SUMF1: variants seen among roughly 807,000 people sequenced by gnomAD.
The protein encoded by SUMF1 is formylglycine-generating enzyme.
SUMF1 carries 48 observed loss-of-function variants against 47.6 expected under a neutral mutation model. That is an observed-to-expected ratio of 1.01 (90% CI 0.80 to 1.28). The LOEUF (loss-of-function observed/expected upper bound fraction) is 1.28, where lower values mean the gene tolerates loss of function less well. Among genes scored for constraint, SUMF1 ranks in the 50% most tolerant of loss-of-function variants. The pLI is 0.00. For missense variants in SUMF1, 571 were observed against 485.4 expected (o/e 1.18, Z -1.66); for synonymous variants, 230 against 192.1 (o/e 1.20, Z -1.63).
chr3:4,129,484 A>C (rs1190709963), intron 8 of SUMF1, among the ~76,000 whole-genome samples: 1 of 152,128 alleles, frequency 6.6e-6, no homozygotes, highest in African/African-American at 2.4e-5. Flanking sequence ...TTTGAATTAT[A>C]AAAGCAGTGA....
At chr3:4,360,648 C>G (rs1266044775), downstream of SUMF1, among the ~76,000 whole-genome samples, 2 of 151,950 alleles carry the variant, frequency 1.3e-5, no homozygotes, top group African/African-American at 4.8e-5. Context: ...GACTGCTTTT[C>G]AAGGGAATTG....
intron 7 of SUMF1, among the ~76,000 whole-genome samples, chr3:4,400,335 C>T (rs1701170165): frequency 1.3e-5 from 2 of 152,214 alleles, no homozygotes; most frequent in South Asian, 2.1e-4. Flanking sequence ...CCAAAAAACC[C>T]GGGCTTTGGT....
chr3:4,396,824 T>C (rs3864052), intron 7 of SUMF1, among the ~76,000 whole-genome samples: 1 of 152,156 alleles, frequency 6.6e-6, no homozygotes, highest in Non-Finnish European at 1.5e-5. Flanking sequence ...AGGAGAATGA[T>C]TAATTCTCTG....
intron 8 of SUMF1, among the ~76,000 whole-genome samples, chr3:4,177,019 G>C (rs1353582228): frequency 6.6e-6 from 1 of 152,070 alleles, no homozygotes; most frequent in Admixed American, 6.5e-5. Context: ...CCCAATACAG[G>C]AGCATCCATA....
At chr3:4,096,136 T>C (rs1243636082) in intron 8 of SUMF1, among the ~76,000 whole-genome samples, 1 of 152,180 alleles carries the variant, frequency 6.6e-6, no homozygotes. Flanking sequence ...TTCATTTACA[T>C]GGCCACATTT....
intron 3 of SUMF1, among the ~76,000 whole-genome samples, chr3:4,431,477 C>T (rs1246058658): frequency 6.6e-6 from 1 of 152,186 alleles, no homozygotes; most frequent in Admixed American, 6.5e-5. Flanking sequence ...GAGAAACCAC[C>T]CAACTGTGGG....
chr3:4,206,120 A>G (rs1695647809), intron 8 of SUMF1, among the ~76,000 whole-genome samples: 1 of 151,592 alleles, frequency 6.6e-6, no homozygotes, highest in Non-Finnish European at 1.5e-5. Context: ...TAATATGGCT[A>G]AGCCAGTATC....
intron 8 of SUMF1, among the ~76,000 whole-genome samples, chr3:4,167,396 T>C (rs946589591): frequency 2.6e-5 from 4 of 152,128 alleles, no homozygotes; most frequent in Non-Finnish European, 5.9e-5. Flanking sequence ...TCCTGCTGAA[T>C]GGTCCATTTT....
chr3:4,317,117 G>A lies in SUMF1; in HGVS notation c.1014+59213C>T, dbSNP rs756709653. On this transcript the variant is annotated intron_variant and NMD_transcript_variant, in intron 8 of 12. Transcript: ENST00000448413. ...TGCAGGGAAAACGCTTCCACAACCA[G>A]CAGGATGCAGAAAATGCTTTCCAAG... 5.8e-6 allele frequency: 9 copies of A among 1,544,864 alleles called. No individual in the cohort carries two copies. The Middle Eastern group carries it at 1.6e-3, about 270-fold the overall frequency.
At chr3:4,398,254 T>TA (rs1429332748) in intron 7 of SUMF1, among the ~76,000 whole-genome samples, 1 of 152,176 alleles carries the variant, frequency 6.6e-6, no homozygotes, top group East Asian at 1.9e-4. Context: ...TTGTGTCTGT[T>TA]AGATTCCCAG....
chr3:4,417,674 C>T (rs555333396), intron 5 of SUMF1, among the ~76,000 whole-genome samples: 4 of 152,120 alleles, frequency 2.6e-5, no homozygotes, highest in Non-Finnish European at 5.9e-5. Flanking sequence ...AGAGACATAC[C>T]GCTGCTTCAG....
intron 1 of SUMF1, among the ~76,000 whole-genome samples, chr3:4,456,650 A>G (rs62231418): frequency 0.061 from 7,253 of 118,728 alleles, 322 homozygotes; most frequent in East Asian, 0.13. Flanking sequence ...ATATATATAT[A>G]TGTGTGTGTA....
At chr3:4,241,886 G>T (rs1696544892) in intron 8 of SUMF1, among the ~76,000 whole-genome samples, 1 of 152,164 alleles carries the variant, frequency 6.6e-6, no homozygotes, top group Non-Finnish European at 1.5e-5. Context: ...CTAGAGATTG[G>T]TTGGACCAGT....
chr3:4,245,505 G>A (rs550538296), intron 8 of SUMF1, among the ~76,000 whole-genome samples: 1 of 152,252 alleles, frequency 6.6e-6, no homozygotes, highest in African/African-American at 2.4e-5. Context: ...CTCAGCTGCA[G>A]GTCTGTTGGA....
intron 7 of SUMF1, among the ~76,000 whole-genome samples, chr3:4,382,692 T>C (rs1025718210): frequency 5.9e-5 from 9 of 152,140 alleles, no homozygotes; most frequent in African/African-American, 2.2e-4. Context: ...AATGATGGAC[T>C]GGATAAAGAA....
intron 9 of SUMF1, among the ~76,000 whole-genome samples, chr3:4,062,381 G>GGGTC (rs1391511643): frequency 6.6e-6 from 1 of 152,244 alleles, no homozygotes; most frequent in Admixed American, 6.5e-5. Flanking sequence ...GCTACTGTGA[G>GGGTC]GGTCACACCA....
intron 8 of SUMF1, among the ~76,000 whole-genome samples, chr3:4,154,830 A>G (rs1694416672): frequency 6.6e-6 from 1 of 151,518 alleles, no homozygotes; most frequent in Non-Finnish European, 1.5e-5. Flanking sequence ...CAACCACCGC[A>G]TCCCACTTCC....
At position 4,312,824 on chromosome 3, in the gene SUMF1, G is replaced by A. The variant is rs146351491; in HGVS notation, c.1014+63506C>T. On this transcript the variant is annotated intron_variant and NMD_transcript_variant, in intron 8 of 12. Coordinates refer to the SUMF1 transcript ENST00000448413. ...TATGTTAGAATTAGAATGGGTCCCAGTCAGAAGCTACTTGGAATATATAGG... is the reference window on the plus strand; with the variant it reads ...TATGTTAGAATTAGAATGGGTCCCAATCAGAAGCTACTTGGAATATATAGG... The A allele has an allele frequency of 1.8e-3, 2,664 of 1,509,906 alleles. 9 individuals are homozygous for A. The highest frequency in any genetic ancestry group is 7.5e-3 in the Middle Eastern group (42 of 5,574). The allele number at this position is 1,509,906 out of a possible 1,614,324, so 93.5% of individuals were successfully genotyped here.
intron 7 of SUMF1, among the ~76,000 whole-genome samples, chr3:4,406,484 C>T (rs1415935543): frequency 6.6e-6 from 1 of 151,880 alleles, no homozygotes; most frequent in Non-Finnish European, 1.5e-5. Context: ...GGTAAAGCCC[C>T]GTCTCTACTA....
Sources: allele counts gnomAD v4.1 joint callset (sites outside exome capture counted in the v4.1 genomes callset), GRCh38; gene constraint gnomAD v4.1.1; transcripts MANE v1.5; gene names NCBI Gene and HGNC (gene_info 2026-07-23, HGNC 2026-07-21).